Variants in TRABD2B observed in about 807,000 individuals in gnomAD.
The protein encoded by TRABD2B is TraB domain containing 2B, also known as metalloprotease TIKI2.
Under a neutral mutation model 40.1 loss-of-function variants are expected in TRABD2B, and 14 were observed. That is an observed-to-expected ratio of 0.35 (90% CI 0.23 to 0.55). The LOEUF (loss-of-function observed/expected upper bound fraction) is 0.55. TRABD2B is among the 20% of genes least tolerant of loss of function. The pLI is 0.90. For missense variants in TRABD2B, 541 were observed against 648.6 expected, an observed-to-expected ratio of 0.83 and a Z score of 1.80; for synonymous variants, 263 against 277.0, an observed-to-expected ratio of 0.95 and a Z score of 0.50.
intron 2 of TRABD2B, among the ~76,000 whole-genome samples, chr1:47,900,839 CA>C (rs1644590921): frequency 6.6e-6 from 1 of 152,090 alleles, no homozygotes; most frequent in African/African-American, 2.4e-5. Flanking sequence ...ATTAACTAAC[CA>C]TGACACTATT....
intron 4 of TRABD2B, among the ~76,000 whole-genome samples, chr1:47,790,749 T>C (rs1443189488): frequency 6.6e-6 from 1 of 152,226 alleles, no homozygotes; most frequent in Non-Finnish European, 1.5e-5. Context: ...AAAATGAGTA[T>C]CATTAAAATC....
At chr1:47,874,999 C>A (rs1427649544) in intron 2 of TRABD2B, among the ~76,000 whole-genome samples, 5 of 152,138 alleles carry the variant, frequency 3.3e-5, no homozygotes, top group Non-Finnish European at 7.3e-5. Flanking sequence ...TGTCCTCACA[C>A]ACTTGCTCAT....
chr1:47,760,652 G>C lies in TRABD2B; in HGVS notation c.*5250C>G, dbSNP rs1312387011. 1 of 152,190 alleles carries C rather than the reference G, an allele frequency of 6.6e-6. No individual in the cohort carries two copies. Among genetic ancestry groups the C allele is most frequent in the Admixed American group, 6.5e-5 (1 of 15,290 alleles). The allele number at this position is 152,190 out of a possible 1,614,324, so 9.4% of individuals were successfully genotyped here. A position where few individuals can be genotyped will look rare whatever the true frequency, so the allele number is the denominator to read the frequency against. ...AAAGGACTCTTCATGATAATTCACA[G>C]AGGTGAGGGGCAGAGGTGATAAGAG... On this transcript the variant is annotated 3_prime_UTR_variant, in exon 7 of 7. Transcript: ENST00000606738.
At chr1:47,821,964 CT>C (rs1645116282) in intron 2 of TRABD2B, among the ~76,000 whole-genome samples, 1 of 152,204 alleles carries the variant, frequency 6.6e-6, no homozygotes. Flanking sequence ...CTGCCTACCC[CT>C]GGAGCACTGG....
chr1:47,882,415 C>G (rs1011063651), intron 2 of TRABD2B, among the ~76,000 whole-genome samples: 13 of 152,230 alleles, frequency 8.5e-5, no homozygotes, highest in Non-Finnish European at 1.9e-4. Flanking sequence ...GCCTTGACAG[C>G]TCTAGCCCAG....
At chr1:47,931,211 A>C (rs889882597) in intron 2 of TRABD2B, among the ~76,000 whole-genome samples, 18 of 152,186 alleles carry the variant, frequency 1.2e-4, no homozygotes, top group African/African-American at 4.3e-4. Flanking sequence ...AGGCTTTAGG[A>C]TTCCTTCTTT....
intron 2 of TRABD2B, among the ~76,000 whole-genome samples, chr1:47,921,469 G>C (rs1366235095): frequency 6.6e-6 from 1 of 152,190 alleles, no homozygotes; most frequent in African/African-American, 2.4e-5. Context: ...CAACTTTCAT[G>C]ACAAGAGAGG....
intron 2 of TRABD2B, among the ~76,000 whole-genome samples, chr1:47,802,014 A>G (rs1644830411): frequency 6.6e-6 from 1 of 152,228 alleles, no homozygotes; most frequent in Non-Finnish European, 1.5e-5. Context: ...TCCTGCAAAC[A>G]AAGCAACAGG....
intron 2 of TRABD2B, among the ~76,000 whole-genome samples, chr1:47,947,914 G>A (rs1645282704): frequency 6.6e-6 from 1 of 152,154 alleles, no homozygotes; most frequent in East Asian, 1.9e-4. Context: ...TCCAGGCCTA[G>A]ACCTGATTCC....
At chr1:47,936,025 C>G (rs6681669) in intron 2 of TRABD2B, among the ~76,000 whole-genome samples, 1 of 152,030 alleles carries the variant, frequency 6.6e-6, no homozygotes, top group Non-Finnish European at 1.5e-5. Flanking sequence ...GGCTGTTAAG[C>G]GTAGTAAACA....
At chr1:47,831,403 C>T (rs1645247537) in intron 2 of TRABD2B, among the ~76,000 whole-genome samples, 1 of 152,152 alleles carries the variant, frequency 6.6e-6, no homozygotes, top group Non-Finnish European at 1.5e-5. Flanking sequence ...GCCTGGGGCT[C>T]CTTTGCTGCT....
intron 2 of TRABD2B, among the ~76,000 whole-genome samples, chr1:47,887,585 G>A (rs868560228): frequency 4.6e-5 from 7 of 152,078 alleles, no homozygotes; most frequent in Middle Eastern, 3.4e-3. Flanking sequence ...GGGGGCCGGC[G>A]GGGGGTGGGT....
chr1:47,925,875 A>G (rs564530390), intron 2 of TRABD2B, among the ~76,000 whole-genome samples: 2 of 152,378 alleles, frequency 1.3e-5, no homozygotes, highest in South Asian at 4.1e-4. Flanking sequence ...GAGGAGAGGG[A>G]TTAAAGAAGA....
chr1:47,842,019 G>C (rs551676909), intron 2 of TRABD2B, among the ~76,000 whole-genome samples: 14 of 151,980 alleles, frequency 9.2e-5, no homozygotes, highest in Non-Finnish European at 1.3e-4. Context: ...TGATCCACCC[G>C]CCTCAGCCTC....
intron 3 of TRABD2B, among the ~76,000 whole-genome samples, chr1:47,799,775 CT>C (rs1415497813): frequency 6.6e-6 from 1 of 152,088 alleles, no homozygotes; most frequent in Non-Finnish European, 1.5e-5. Context: ...AACTCAGGTT[CT>C]TCCATGCCCT....
chr1:47,959,235 C>T (rs1426643014), intron 2 of TRABD2B, among the ~76,000 whole-genome samples: 1 of 151,988 alleles, frequency 6.6e-6, no homozygotes, highest in Non-Finnish European at 1.5e-5. Flanking sequence ...AAATTTATAG[C>T]ACTAAATGCC....
chr1:47,782,732 C>T (rs1457217076), intron 4 of TRABD2B, among the ~76,000 whole-genome samples: 1 of 152,204 alleles, frequency 6.6e-6, no homozygotes, highest in Non-Finnish European at 1.5e-5. Context: ...CAGAGCATGC[C>T]GTCCTCAGGA....
chr1:47,818,924 ATCTCCCAATTTGGAGTT>A (rs1645071067), intron 2 of TRABD2B: 1 of 152,292 alleles, frequency 6.6e-6, no homozygotes, highest in Non-Finnish European at 1.5e-5. Context: ...GCGTCTGGCC[ATCTCCCAATTTGGAGTT>A]TCTGATTCTG....
intron 2 of TRABD2B, among the ~76,000 whole-genome samples, chr1:47,848,368 C>T (rs1324049832): frequency 6.6e-6 from 1 of 152,164 alleles, no homozygotes; most frequent in Non-Finnish European, 1.5e-5. Flanking sequence ...AGGGCTCTGG[C>T]TGTGACCAAG....
Sources: gnomAD v4.1 joint callset for allele counts (sites outside exome capture counted in the v4.1 genomes callset) on GRCh38, gnomAD v4.1.1 for gene constraint, MANE v1.5 for transcripts, NCBI Gene and HGNC (gene_info 2026-07-23, HGNC 2026-07-21) for gene names.